Variants in ST18 observed in about 807,000 individuals in gnomAD.
ST18 encodes the protein suppression of tumorigenicity 18 protein.
A neutral mutation model predicts 110.0 loss-of-function variants in ST18; 50 were observed. That is an observed-to-expected ratio of 0.45 (90% CI 0.36 to 0.58). The LOEUF (loss-of-function observed/expected upper bound fraction) is 0.58, where lower values mean the gene tolerates loss of function less well. Ranked by LOEUF, ST18 falls within the 20% of genes least tolerant of loss-of-function variation. ST18 has a pLI of 0.00. For synonymous variants in ST18, 461 were observed against 452.4 expected (o/e 1.02, Z -0.24); for missense variants, 1,306 against 1,280.1 (o/e 1.02, Z -0.31).
chr8:52,276,838 C>G (rs1421367548), intron 2 of ST18, among the ~76,000 whole-genome samples: 3 of 150,610 alleles, frequency 2.0e-5, no homozygotes, highest in African/African-American at 4.9e-5. Context: ...GCGATCTCGG[C>G]TCACTGCAAC....
chr8:52,357,727 ATAT>A (rs1449658210), intron 2 of ST18, among the ~76,000 whole-genome samples: 26 of 114,808 alleles, frequency 2.3e-4, no homozygotes, highest in East Asian at 1.5e-3. Flanking sequence ...ATATATATAT[ATAT>A]AAAACAGACT....
chr8:52,253,815 G>A (rs776699109), intron 2 of ST18, among the ~76,000 whole-genome samples: 10 of 152,052 alleles, frequency 6.6e-5, no homozygotes, highest in African/African-American at 9.7e-5. Context: ...ATATCAAATA[G>A]TCTCTCTTGC....
chr8:52,389,468 G>A (rs1446941615), intron 2 of ST18, among the ~76,000 whole-genome samples: 1 of 152,192 alleles, frequency 6.6e-6, no homozygotes, highest in Non-Finnish European at 1.5e-5. Context: ...GTCTTTGGTG[G>A]GGTCAAGGCA....
chr8:52,120,922 G>T (rs1031227666), intron 23 of ST18, among the ~76,000 whole-genome samples: 6 of 152,140 alleles, frequency 3.9e-5, no homozygotes, highest in African/African-American at 1.4e-4. Flanking sequence ...GAGGTAGGGG[G>T]TGAGAGAAGA....
intron 21 of ST18, 82 bp downstream of exon 21, chr8:52,132,975 G>T: frequency 1.4e-6 from 2 of 1,461,748 alleles, no homozygotes; most frequent in Non-Finnish European, 9.5e-7. Context: ...CTCAATCCGT[G>T]TTCAATTGCA....
intron 2 of ST18, among the ~76,000 whole-genome samples, chr8:52,338,898 C>T (rs1442521379): frequency 1.3e-5 from 2 of 151,908 alleles, no homozygotes; most frequent in Admixed American, 6.6e-5. Flanking sequence ...CTACCAAACC[C>T]AGCTATTTTT....
intron 2 of ST18, among the ~76,000 whole-genome samples, chr8:52,300,685 A>G (rs1312362730): frequency 6.6e-6 from 1 of 152,224 alleles, no homozygotes; most frequent in African/African-American, 2.4e-5. Context: ...TCAGTGTTCA[A>G]AATAAATTCT....
chr8:52,126,253 A>G (rs759592568), intron 22 of ST18, 113 bp from the exon 23 acceptor site: 2 of 1,000,250 alleles, frequency 2.0e-6, no homozygotes, highest in Middle Eastern at 3.0e-4. Context: ...TAATTACATT[A>G]TAACCCACAG....
Position 52,214,223 on chromosome 8 carries a change from G to T in ST18, c.35C>A (p.Thr12Asn). The T allele has an allele frequency of 6.2e-7, 1 of 1,614,078 alleles. No individual in the cohort carries two copies. Among genetic ancestry groups the T allele is most frequent in the Non-Finnish European group, 8.5e-7 (1 of 1,179,988 alleles). The change falls in exon 7 of 26, where the codon ACT becomes AAT. Residue 12 changes from threonine to asparagine, a missense_variant. Thr to Asn is a moderately conservative substitution (Grantham distance 65). Transcript: ENST00000689386. ...DAEAEDKTLRTRSKGTEVPMD... is the reference protein window; with the variant it reads ...DAEAEDKTLRNRSKGTEVPMD... ...CTCACCCTCGGTTCCTTTAGAGCGA[G>T]TACGCAGCGTTTTATCTTCAGCCTC...
At chr8:52,210,389 A>G (rs1378957315) in intron 8 of ST18, among the ~76,000 whole-genome samples, 1 of 152,196 alleles carries the variant, frequency 6.6e-6, no homozygotes, top group Non-Finnish European at 1.5e-5. Flanking sequence ...AGCCAGGTGC[A>G]GTGGCTCACT....
At chr8:52,295,296 T>C (rs554788279) in intron 2 of ST18, among the ~76,000 whole-genome samples, 12 of 152,352 alleles carry the variant, frequency 7.9e-5, no homozygotes, top group Middle Eastern at 3.4e-3. Context: ...CCAGGCTTTA[T>C]TATTGAACTA....
Position 52,133,113 on chromosome 8 carries a change from C to A in ST18, c.2388G>T (p.Arg796Ser). 2 of 1,614,180 alleles carry A rather than the reference C, an allele frequency of 1.2e-6. No homozygotes were observed. Among genetic ancestry groups the A allele is most frequent in the Non-Finnish European group, 1.7e-6 (2 of 1,180,032 alleles). ...HRSLSGCPRA[R>S]KGGVKMTPTK... is the part of the protein sequence containing the mutation. ...TAGGGGTCATTTTGACACCACCTTT[C>A]CTTGCACGAGGGCATCCGGACAAGC... The change falls in exon 21 of 26, where the codon AGG (arginine) becomes AGT (serine). Residue 796 changes from arginine to serine, a missense_variant. Transcript: ENST00000689386.
intron 11 of ST18, among the ~76,000 whole-genome samples, chr8:52,165,522 A>T (rs1326585624): frequency 1.3e-5 from 2 of 152,180 alleles, no homozygotes; most frequent in African/African-American, 4.8e-5. Flanking sequence ...CATCACCTGA[A>T]TGTGATTTTC....
intron 9 of ST18, among the ~76,000 whole-genome samples, chr8:52,173,844 T>C (rs566941263): frequency 6.6e-6 from 1 of 152,360 alleles, no homozygotes; most frequent in South Asian, 2.1e-4. Flanking sequence ...AGCCATCCGG[T>C]GTGAGCACTG....
At chr8:52,331,176 G>C (rs1229460487) in intron 2 of ST18, among the ~76,000 whole-genome samples, 2 of 152,132 alleles carry the variant, frequency 1.3e-5, no homozygotes, top group African/African-American at 4.8e-5. Flanking sequence ...ACCTTCGACT[G>C]GAAGGGGTAG....
intron 8 of ST18, among the ~76,000 whole-genome samples, chr8:52,200,890 T>C (rs10110645): frequency 0.29 from 44,471 of 152,108 alleles, 9,470 homozygotes; most frequent in African/African-American, 0.61. Flanking sequence ...ATTTTAATTT[T>C]GAATACTCCT....
chr8:52,405,672 C>CTA (rs1450045052), intron 2 of ST18: 2 of 152,158 alleles, frequency 1.3e-5, no homozygotes, highest in African/African-American at 4.8e-5. Flanking sequence ...GGGCTAGTAG[C>CTA]TAAAGCAACT....
At chr8:52,166,249 C>T (rs1587513252) in intron 11 of ST18, among the ~76,000 whole-genome samples, 1 of 152,170 alleles carries the variant, frequency 6.6e-6, no homozygotes, top group Non-Finnish European at 1.5e-5. Flanking sequence ...GGAGGGACTG[C>T]CCCTCCCAGG....
At position 52,333,455 on chromosome 8, in the gene ST18, T is replaced by C. The variant is rs568028371; in HGVS notation, c.-465+75873A>G. Among the ~76,000 whole-genome samples the C allele has an allele frequency of 2.6e-5, 4 of 152,052 alleles. No homozygotes were observed. The East Asian group carries it at 7.8e-4, about 29-fold the overall frequency. Reference sequence around the variant, plus strand: ...CTAGCAAGCCAGTGGGCTGAACCAATAGGTTGTAGTTTCAGTTGAAAGGAA... The same window carrying C: ...CTAGCAAGCCAGTGGGCTGAACCAACAGGTTGTAGTTTCAGTTGAAAGGAA... On this transcript the variant is annotated intron_variant, in intron 2 of 25. Coordinates refer to ENST00000689386, the MANE Select transcript of ST18 (RefSeq NM_001352837.2).
Sources: gnomAD v4.1 joint callset for allele counts (sites outside exome capture counted in the v4.1 genomes callset) on GRCh38, gnomAD v4.1.1 for gene constraint, MANE v1.5 for transcripts, NCBI Gene and HGNC (gene_info 2026-07-23, HGNC 2026-07-21) for gene names.